CXADR: variants seen among roughly 807,000 people sequenced by gnomAD.
The protein encoded by CXADR is coxsackievirus and adenovirus receptor.
CXADR carries 20 observed loss-of-function variants against 40.3 expected under a neutral mutation model. That is an observed-to-expected ratio of 0.50 (90% confidence interval 0.35 to 0.72). The LOEUF (loss-of-function observed/expected upper bound fraction) is 0.72, where lower values mean the gene tolerates loss of function less well. Ranked by LOEUF, CXADR falls within the 30% of genes least tolerant of loss-of-function variation. The pLI is 0.01. For missense variants in CXADR, 332 were observed against 449.1 expected (o/e 0.74, Z 2.36); for synonymous variants, 150 against 161.3 (o/e 0.93, Z 0.53).
At chr21:17,630,190 A>G in the CXADR span, among the ~76,000 whole-genome samples, 1 of 152,232 alleles carries the variant, frequency 6.6e-6, no homozygotes, top group African/African-American at 2.4e-5. Context: ...AAGAACAGGA[A>G]TATGTTATTT....
Position 17,547,069 on chromosome 21 carries a change from T to C in CXADR, c.86T>C (p.Ile29Thr), listed in dbSNP as rs1189853249. The C allele has an allele frequency of 1.9e-6, 3 of 1,613,432 alleles. No individual in the cohort carries two copies. The highest frequency in any genetic ancestry group is 2.2e-5 in the East Asian group (1 of 44,892). Residue 29 changes from isoleucine to threonine, a missense_variant, in exon 2 of 7, where the codon ATT becomes ACT. Physicochemically the swap from Ile to Thr is moderately conservative, Grantham distance 89 (BLOSUM62 -1). Around this residue, in one of 3 missense-constraint regions of CXADR, gnomAD observed 162 missense variants for 198.5 expected, o/e 0.82. Coordinates refer to ENST00000284878, the MANE Select transcript of CXADR (RefSeq NM_001338.5). ...AGTATCACTACTCCTGAAGAGATGA[T>C]TGAAAAAGCCAAAGGGGAAACTGCC... is the stretch of plus-strand genomic sequence containing the variant. ...SLSITTPEEM[I>T]EKAKGETAYL...
chr21:17,617,300 ATTG>A, the CXADR span, among the ~76,000 whole-genome samples: 30 of 151,624 alleles, frequency 2.0e-4, no homozygotes, highest in East Asian at 9.7e-4. Context: ...AGGTGCCATT[ATTG>A]TTGTTGTTGT....
intron 6 of CXADR, among the ~76,000 whole-genome samples, chr21:17,562,761 GCACTTTGTTGCTT>G (rs2061141985): frequency 1.3e-5 from 2 of 152,174 alleles, no homozygotes; most frequent in Non-Finnish European, 2.9e-5. Flanking sequence ...TTCTTCATCA[GCACTTTGTTGCTT>G]CACTTTGTAT....
chr21:17,548,017 T>C (rs1388511011), intron 2 of CXADR, among the ~76,000 whole-genome samples: 1 of 152,192 alleles, frequency 6.6e-6, no homozygotes, highest in Non-Finnish European at 1.5e-5. Flanking sequence ...TAGAATACTT[T>C]ATTTAGAATG....
intron 1 of CXADR, among the ~76,000 whole-genome samples, chr21:17,529,376 A>G (rs370759590): frequency 2.6e-5 from 4 of 151,968 alleles, no homozygotes; most frequent in South Asian, 2.1e-4. Flanking sequence ...GCTGCAGTGC[A>G]GTGGCATGAT....
Position 17,567,673 on chromosome 21 carries a change from G to A in CXADR, c.*1981G>A, listed in dbSNP as rs535284574. 1 of 971,212 alleles carries A rather than the reference G, an allele frequency of 1.0e-6. No individual in the cohort carries two copies. Among genetic ancestry groups the A allele is most frequent in the South Asian group, 4.8e-5 (1 of 21,018 alleles). 60.2% of individuals were successfully genotyped at this position (971,212 alleles called of 1,614,324 possible). ...TTTATAACAGTAGCCATTTTTGAAA[G>A]TCAGATGTTTGGCCTGTTTTATATG... On this transcript the variant is annotated 3_prime_UTR_variant, in exon 7 of 7. Coordinates refer to ENST00000284878, the MANE Select transcript of CXADR (RefSeq NM_001338.5).
chr21:17,543,214 T>C (rs150660963), intron 1 of CXADR, among the ~76,000 whole-genome samples: 185 of 152,346 alleles, frequency 1.2e-3, no homozygotes, highest in African/African-American at 4.2e-3. Flanking sequence ...CAAAAGTAGT[T>C]GCTGTTAACA....
chr21:17,565,821 C>T lies in CXADR; in HGVS notation c.*129C>T, dbSNP rs1061464. The T allele has an allele frequency of 9.7e-6, 13 of 1,346,328 alleles. No homozygotes were observed. Among genetic ancestry groups the T allele is most frequent in the African/African-American group, 3.0e-5 (2 of 67,360 alleles). 83.4% of individuals were successfully genotyped at this position (1,346,328 alleles called of 1,614,324 possible). On this transcript the variant is annotated 3_prime_UTR_variant, in exon 7 of 7. Coordinates refer to ENST00000284878, the MANE Select transcript of CXADR (RefSeq NM_001338.5). ...AAAAATAAGTTAATCAGGAACTGTA[C>T]GGAATATATTTTTAAAAATTTTTGT...
rs1026226524 is a variant in CXADR at position 17,569,970 on chromosome 21, A to G, written c.*4278A>G. 3 of 985,310 alleles carry G rather than the reference A, an allele frequency of 3.0e-6. No homozygotes were observed. The highest frequency in any genetic ancestry group is 3.6e-6 in the Non-Finnish European group (3 of 829,942). The allele number at this position is 985,310 out of a possible 1,614,324, so 61.0% of individuals were successfully genotyped here. On this transcript the variant is annotated 3_prime_UTR_variant, in exon 7 of 7. Transcript: ENST00000284878. Reference sequence around the variant, plus strand: ...TGACAGTGTCAGTTTCAGATTTTGTATGTACGATTTCTGGCTTATATATCC... The same window carrying G: ...TGACAGTGTCAGTTTCAGATTTTGTGTGTACGATTTCTGGCTTATATATCC...
rs777505577 is a variant in CXADR, at chr21:17,565,535, C to G, written c.941C>G (p.Ser314Cys). Residue 314 changes from serine (S) to cysteine (C), a missense_variant, in exon 7 of 7, where the codon TCC (serine) becomes TGC (cysteine). This residue lies in a region of CXADR where 150 missense variants were observed against 194.2 expected (regional missense o/e 0.77). Transcript: ENST00000284878. ...SMSPSNMEGYSKTQYNQVPSE... is the reference protein window; with the variant it reads ...SMSPSNMEGYCKTQYNQVPSE... ...TCTCCTTCCAACATGGAAGGATATT[C>G]CAAGACTCAGTATAACCAAGTACCA... The G allele has an allele frequency of 1.2e-6, 2 of 1,613,866 alleles. No individual in the cohort carries two copies. Among genetic ancestry groups the G allele is most frequent in the Admixed American group, 1.7e-5 (1 of 60,014 alleles).
rs981330709 is a variant in CXADR at position 17,568,765 on chromosome 21, C to T, written c.*3073C>T. On this transcript the variant is annotated 3_prime_UTR_variant, in exon 7 of 7. Coordinates refer to ENST00000284878, the MANE Select transcript of CXADR (RefSeq NM_001338.5). ...CTGGTAATCTTAACTAATATGATTC[C>T]CTTGTTAGAGAGCCTCTCACTCCCC... 1.0e-6 allele frequency: 1 copy of T among 984,672 alleles called. No individual in the cohort carries two copies. Among genetic ancestry groups the T allele is most frequent in the African/African-American group, 1.8e-5 (1 of 57,010 alleles). The allele number at this position is 984,672 out of a possible 1,614,324, so 61.0% of individuals were successfully genotyped here.
chr21:17,514,695 G>A (rs1482031857), intron 1 of CXADR, among the ~76,000 whole-genome samples: 1 of 151,114 alleles, frequency 6.6e-6, no homozygotes, highest in Non-Finnish European at 1.5e-5. Context: ...GTGCAATGGC[G>A]TGATCTTGGC....
chr21:17,554,497 G>T (rs1418007025), intron 3 of CXADR, among the ~76,000 whole-genome samples: 1 of 152,164 alleles, frequency 6.6e-6, no homozygotes, highest in Non-Finnish European at 1.5e-5. Flanking sequence ...AGGAGGGGGA[G>T]AGGGGATAAA....
chr21:17,560,914 A>G, intron 5 of CXADR, 90 bp downstream of exon 5: 1 of 1,532,236 alleles, frequency 6.5e-7, no homozygotes, highest in Non-Finnish European at 8.8e-7. Flanking sequence ...ATTAAGGACA[A>G]AGGGACACTG....
At chr21:17,558,134 G>A (rs1036221290) in intron 3 of CXADR, among the ~76,000 whole-genome samples, 3 of 151,138 alleles carry the variant, frequency 2.0e-5, no homozygotes, top group Non-Finnish European at 2.9e-5. Context: ...TCCAGGCTGT[G>A]AATATCTTTT....
the CXADR span, among the ~76,000 whole-genome samples, chr21:17,621,110 T>C: frequency 6.6e-6 from 1 of 152,194 alleles, no homozygotes; most frequent in Admixed American, 6.5e-5. Flanking sequence ...GTATAAATAT[T>C]AAGCACATTC....
the CXADR span, chr21:17,612,988 G>C: frequency 6.6e-6 from 1 of 151,940 alleles, no homozygotes; most frequent in African/African-American, 2.4e-5. Flanking sequence ...GCGCGCGCGG[G>C]ATCGGCTCGC....
intron 1 of CXADR, among the ~76,000 whole-genome samples, chr21:17,532,407 C>G (rs1488340888): frequency 6.9e-6 from 1 of 145,322 alleles, no homozygotes; most frequent in Non-Finnish European, 1.5e-5. Flanking sequence ...CATACACTGT[C>G]TATTTTCTCC....
intron 1 of CXADR, among the ~76,000 whole-genome samples, chr21:17,542,618 GT>G: frequency 6.6e-6 from 1 of 152,278 alleles, no homozygotes; most frequent in East Asian, 1.9e-4. Flanking sequence ...GGTTCCGTCT[GT>G]TTATTTACAT....
Sources: gnomAD v4.1 joint callset for allele counts (sites outside exome capture counted in the v4.1 genomes callset) on GRCh38, gnomAD v4.1.1 for gene constraint, gnomAD v4.1.1 regional missense constraint, MANE v1.5 for transcripts, NCBI Gene and HGNC (gene_info 2026-07-23, HGNC 2026-07-21) for gene names.